Variants in KIF14 observed in about 807,000 individuals in gnomAD.
KIF14 encodes the protein kinesin-like protein KIF14.
In KIF14, 98 loss-of-function variants were observed where a neutral mutation model predicts 176.2. The observed-to-expected ratio is 0.56, with a 90% CI of 0.47 to 0.66. The LOEUF (loss-of-function observed/expected upper bound fraction) is 0.66, where lower values mean the gene tolerates loss of function less well. Ranked by LOEUF, KIF14 falls within the 30% of genes least tolerant of loss-of-function variation. The pLI is 0.00. For missense variants in KIF14, 1,751 were observed against 1,920.4 expected, an observed-to-expected ratio of 0.91 and a Z score of 1.65; for synonymous variants, 566 against 632.2, an observed-to-expected ratio of 0.90 and a Z score of 1.57.
At position 200,558,271 on chromosome 1, in the gene KIF14, T is replaced by G. The variant is rs572108943; in HGVS notation, c.4353+1059A>C. On this transcript the variant is annotated intron_variant, in intron 27 of 29. Coordinates refer to ENST00000367350, the MANE Select transcript of KIF14 (RefSeq NM_014875.3). ...TCCCTGGCCAAGGATGGTTTTAATA[T>G]GTTGTTACAAGACTCTAAAACAGAC... Among the ~76,000 whole-genome samples, 4 of 152,318 alleles carry G rather than the reference T, an allele frequency of 2.6e-5. No homozygotes were observed. In the East Asian group the frequency reaches 7.7e-4, roughly 29 times the overall value.
At chr1:200,565,831 A>C (rs1286752479) in intron 23 of KIF14, among the ~76,000 whole-genome samples, 162 bp from the exon 24 acceptor site, 2 of 152,210 alleles carry the variant, frequency 1.3e-5, no homozygotes, top group African/African-American at 4.8e-5. Context: ...CAAAACTATT[A>C]GTATATATAA....
intron 19 of KIF14, among the ~76,000 whole-genome samples, chr1:200,583,195 T>G (rs1024031337): frequency 5.3e-5 from 8 of 152,098 alleles, no homozygotes; most frequent in African/African-American, 1.9e-4. Context: ...TAGATGATGT[T>G]GGTATCCTGA....
At chr1:200,571,910 C>G (rs1317880510) in intron 22 of KIF14, among the ~76,000 whole-genome samples, 1 of 152,082 alleles carries the variant, frequency 6.6e-6, no homozygotes, top group Non-Finnish European at 1.5e-5. Context: ...TTTACTTAAC[C>G]TCAGAGGGAA....
intron 2 of KIF14, among the ~76,000 whole-genome samples, 161 bp downstream of exon 2, chr1:200,617,451 A>G (rs1181809071): frequency 1.3e-5 from 2 of 152,260 alleles, no homozygotes; most frequent in Non-Finnish European, 2.9e-5. Flanking sequence ...ATCAAAAATT[A>G]TCAACACACA....
chr1:200,570,456 C>T (rs1001585334), intron 22 of KIF14, among the ~76,000 whole-genome samples: 7 of 152,172 alleles, frequency 4.6e-5, no homozygotes, highest in African/African-American at 1.7e-4. Flanking sequence ...ATAAGTAAAA[C>T]TTAGCCAAAC....
At chr1:200,594,782 A>G (rs549474886) in intron 14 of KIF14, among the ~76,000 whole-genome samples, 2 of 152,388 alleles carry the variant, frequency 1.3e-5, no homozygotes, top group East Asian at 1.9e-4. Context: ...TTAGGCTCCA[A>G]GATCTGTGAT....
intron 13 of KIF14, among the ~76,000 whole-genome samples, 193 bp from the exon 14 acceptor site, chr1:200,598,614 A>G (rs1227926900): frequency 6.6e-6 from 1 of 152,098 alleles, no homozygotes; most frequent in Non-Finnish European, 1.5e-5. Flanking sequence ...GCTGGAGTGC[A>G]GTGGCACGAT....
intron 21 of KIF14, among the ~76,000 whole-genome samples, chr1:200,576,477 C>CAAAAAAAAAAAAA (rs34294441): frequency 2.3e-5 from 2 of 87,494 alleles, no homozygotes; most frequent in Non-Finnish European, 5.0e-5. Flanking sequence ...GACTCCGTCT[C>CAAAAAAAAAAAAA]AAAAAAAAAA....
intron 18 of KIF14, among the ~76,000 whole-genome samples, chr1:200,588,244 TTTTG>T (rs1293807167): frequency 1.7e-5 from 2 of 115,638 alleles, no homozygotes; most frequent in Admixed American, 8.4e-5. Flanking sequence ...TGTTTGTTTG[TTTTG>T]TTTTTTTTTT....
At chr1:200,594,452 G>GT (rs1248033486) in intron 14 of KIF14, among the ~76,000 whole-genome samples, 5 of 147,064 alleles carry the variant, frequency 3.4e-5, no homozygotes, top group Non-Finnish European at 6.0e-5. Context: ...AGTTTTAAGT[G>GT]TTTTTTTAAT....
At chr1:200,590,092 G>GA (rs746404926) in intron 17 of KIF14, 33 bp downstream of exon 17, 5,170 of 1,373,396 alleles carry the variant, frequency 3.8e-3, no homozygotes, top group South Asian at 6.4e-3. Context: ...TACACTGTCG[G>GA]AAAAAAAAAA....
intron 10 of KIF14, 33 bp from the exon 11 acceptor site, chr1:200,602,101 TACA>T (rs1219106975): frequency 1.3e-6 from 2 of 1,576,730 alleles, no homozygotes; most frequent in Non-Finnish European, 1.7e-6. Context: ...ACTTTGCTTC[TACA>T]ACAACTTAAT....
At chr1:200,562,144 T>C (rs1009159004) in intron 25 of KIF14, among the ~76,000 whole-genome samples, 4 of 152,222 alleles carry the variant, frequency 2.6e-5, no homozygotes, top group African/African-American at 2.4e-5. Context: ...CCATACTTAG[T>C]AGAAAGTGTA....
Position 200,598,366 on chromosome 1 carries a change from T to C in KIF14, c.2420A>G (p.Asn807Ser), listed in dbSNP as rs759302929. ...DNHLPNLVNLNEDPQLSEMLL... is the reference protein window; with the variant it reads ...DNHLPNLVNLSEDPQLSEMLL... ...CATCTCAGATAGTTGTGGATCTTCATTCAGATTAACAAGGTTTGGTAAATG... is the reference window on the plus strand; with the variant it reads ...CATCTCAGATAGTTGTGGATCTTCACTCAGATTAACAAGGTTTGGTAAATG... Residue 807 changes from asparagine to serine, a missense_variant, in exon 14 of 30, where the codon AAT becomes AGT. Coordinates refer to ENST00000367350, the MANE Select transcript of KIF14 (RefSeq NM_014875.3). 1.8e-5 allele frequency: 29 copies of C among 1,612,596 alleles called. 1 individual carries two copies. In the Admixed American group the frequency reaches 2.7e-4, roughly 15 times the overall value.
intron 25 of KIF14, among the ~76,000 whole-genome samples, chr1:200,564,500 C>A (rs1307458925): frequency 6.6e-6 from 1 of 152,136 alleles, no homozygotes; most frequent in Non-Finnish European, 1.5e-5. Flanking sequence ...CTTACTTCTT[C>A]TTACAGCCAA....
rs374253448 is a variant in KIF14 at position 200,617,823 on chromosome 1, G to A, written c.901C>T (p.Pro301Ser). The part of the protein sequence containing the change: ...CSLPQLKSPA[P>S]SILKNRMSNL... ...GACATTCTATTCTTCAGTATTGATG[G>A]AGCTGGGCTCTTAAGCTGAGGCAGG... Residue 301 changes from proline (P) to serine (S), a missense_variant, in exon 2 of 30, where the codon CCA becomes TCA. Coordinates refer to ENST00000367350, the MANE Select transcript of KIF14 (RefSeq NM_014875.3). 18 of 1,614,016 alleles carry A rather than the reference G, an allele frequency of 1.1e-5. No homozygotes were observed. In the African/African-American group the frequency reaches 2.1e-4, roughly 19 times the overall value.
At chr1:200,594,368 CAAAAA>C (rs371729211) in intron 14 of KIF14, among the ~76,000 whole-genome samples, 4,286 of 92,590 alleles carry the variant, frequency 0.046, 55 homozygotes, top group Non-Finnish European at 0.055. Context: ...CCCAAAAATT[CAAAAA>C]AAAAAAAAAA....
chr1:200,554,467 C>A lies in KIF14; in HGVS notation c.4567+1G>T. The A allele has an allele frequency of 6.6e-7, 1 of 1,508,040 alleles. No individual in the cohort carries two copies. Among genetic ancestry groups the A allele is most frequent in the Non-Finnish European group, 9.1e-7 (1 of 1,096,574 alleles). The allele number at this position is 1,508,040 out of a possible 1,614,324, so 93.4% of individuals were successfully genotyped here. ...TATAAACTCCATTTGGAGAATCATA[C>A]CTTTCAGTGCAGAAATAATAATTTC... On this transcript the variant is annotated splice_donor_variant, in intron 29 of 29. Coordinates refer to ENST00000367350, the MANE Select transcript of KIF14 (RefSeq NM_014875.3). LOFTEE classifies it high-confidence loss of function.
chr1:200,554,189 G>A (rs974827307), intron 29 of KIF14, among the ~76,000 whole-genome samples: 2 of 152,084 alleles, frequency 1.3e-5, no homozygotes, highest in Admixed American at 6.6e-5. Flanking sequence ...TCAGGAGTTC[G>A]AGACCAGCCT....
Sources: allele counts gnomAD v4.1 joint callset (sites outside exome capture counted in the v4.1 genomes callset), GRCh38; gene constraint gnomAD v4.1.1; transcripts MANE v1.5; gene names NCBI Gene and HGNC (gene_info 2026-07-23, HGNC 2026-07-21).